The following ZFR variants were observed in gnomAD, a reference collection of about 807,000 sequenced individuals.
ZFR encodes zinc finger RNA-binding protein.
ZFR carries 19 observed loss-of-function variants against 130.7 expected under a neutral mutation model. The observed-to-expected ratio is 0.15, with a 90% CI of 0.10 to 0.21. The LOEUF (loss-of-function observed/expected upper bound fraction) is 0.21. Among genes scored for constraint, ZFR ranks in the 10% least tolerant of loss-of-function variants. The pLI, the probability that ZFR is intolerant of heterozygous loss-of-function variation, is 1.00. For synonymous variants in ZFR, 466 were observed against 456.9 expected, an observed-to-expected ratio of 1.02 and a Z score of -0.25; for missense variants, 872 against 1,321.5, an observed-to-expected ratio of 0.66 and a Z score of 5.27.
chr5:32,368,307 C>G (rs1752591282), intron 17 of ZFR, among the ~76,000 whole-genome samples: 1 of 152,330 alleles, frequency 6.6e-6, no homozygotes, highest in Admixed American at 6.5e-5. Context: ...GTGATCTCAG[C>G]TCACCGCAAC....
chr5:32,420,103 G>A lies in ZFR; in HGVS notation c.138C>T (p.Ser46=). 6.4e-7 allele frequency: 1 copy of A among 1,566,494 alleles called. No individual in the cohort carries two copies. Among genetic ancestry groups the A allele is most frequent in the Admixed American group, 1.8e-5 (1 of 54,200 alleles). The change falls in exon 3 of 20, where the codon AGC becomes AGT. Residue 46 remains serine, a splice_region_variant and synonymous_variant. Coordinates refer to ENST00000265069, the MANE Select transcript of ZFR (RefSeq NM_016107.5). ...AAAAAAAAQY[S]QQPASGVAYS... ...AGGCTACACCCGAAGCTGGCTGCTG[G>A]CTACATTGTGGAGTACAAGAATAAA... is the stretch of plus-strand genomic sequence containing the variant.
At chr5:32,356,329 G>A (rs1170207145) in intron 19 of ZFR, among the ~76,000 whole-genome samples, 1 of 152,184 alleles carries the variant, frequency 6.6e-6, no homozygotes, top group African/African-American at 2.4e-5. Flanking sequence ...TGTAACTTAA[G>A]AACTGTAATT....
chr5:32,363,428 C>A (rs1302428345), intron 19 of ZFR, among the ~76,000 whole-genome samples: 1 of 152,192 alleles, frequency 6.6e-6, no homozygotes, highest in African/African-American at 2.4e-5. Flanking sequence ...CTCATTTAAT[C>A]TTCTCAACAA....
rs559525191 is a variant in ZFR at position 32,407,148 on chromosome 5, A to G, written c.785-127T>C. 5.3e-4 allele frequency: 447 copies of G among 847,912 alleles called. 1 individual carries two copies. Among genetic ancestry groups the G allele is most frequent in the Middle Eastern group, 5.1e-3 (13 of 2,552 alleles). 52.5% of individuals were successfully genotyped at this position (847,912 alleles called of 1,614,324 possible). ...TTTACATGTGCATATTTACAAACGT[A>G]TATCTCACAGAACCAGAAAAAAGCT... On this transcript the variant is annotated intron_variant, in intron 5 of 19. Coordinates refer to ENST00000265069, the MANE Select transcript of ZFR (RefSeq NM_016107.5).
In ZFR at chr5:32,355,371, C is replaced by A. The variant is rs1752281583; in HGVS notation, c.*389G>T. The A allele has an allele frequency of 6.5e-6, 1 of 154,230 alleles. No individual in the cohort carries two copies. The allele number at this position is 154,230 out of a possible 1,614,324, so 9.6% of individuals were successfully genotyped here. On this transcript the variant is annotated 3_prime_UTR_variant, in exon 20 of 20. Transcript: ENST00000265069. ...ACTAGTGTCAAAAAGCAAACAAAAC[C>A]TCTAAATTAAAATATCAAAATACAC...
intron 2 of ZFR, among the ~76,000 whole-genome samples, chr5:32,437,171 C>T (rs1754357371): frequency 6.6e-6 from 1 of 152,140 alleles, no homozygotes; most frequent in African/African-American, 2.4e-5. Context: ...ACGAAGTCTA[C>T]CTCAAACTCC....
At chr5:32,385,365 A>C in intron 15 of ZFR, 143 bp downstream of exon 15, 4 of 882,372 alleles carry the variant, frequency 4.5e-6, no homozygotes, top group South Asian at 1.9e-5. Flanking sequence ...TATCTTAGGC[A>C]AAACCGGTTG....
At chr5:32,388,846 C>CT (rs1753098123) in intron 12 of ZFR, among the ~76,000 whole-genome samples, 172 bp from the exon 13 acceptor site, 1 of 152,146 alleles carries the variant, frequency 6.6e-6, no homozygotes, top group Non-Finnish European at 1.5e-5. Context: ...ACCATCAAGA[C>CT]TATATGTATG....
chr5:32,431,644 C>T (rs1754219062), intron 2 of ZFR, among the ~76,000 whole-genome samples: 1 of 152,062 alleles, frequency 6.6e-6, no homozygotes, highest in Non-Finnish European at 1.5e-5. Flanking sequence ...GAAACACAAT[C>T]TGACCTTCCC....
At chr5:32,431,777 A>C (rs915156374) in intron 2 of ZFR, among the ~76,000 whole-genome samples, 4 of 152,122 alleles carry the variant, frequency 2.6e-5, no homozygotes, top group African/African-American at 9.6e-5. Context: ...TGAAAAAAAA[A>C]AAAAAAAGAC....
chr5:32,401,360 T>C (rs1039805272), intron 8 of ZFR, among the ~76,000 whole-genome samples: 2 of 152,172 alleles, frequency 1.3e-5, no homozygotes, highest in African/African-American at 4.8e-5. Flanking sequence ...GGACTGAATA[T>C]TGCGGAAATT....
chr5:32,365,688 C>T (rs910530652), intron 17 of ZFR, among the ~76,000 whole-genome samples: 9 of 150,338 alleles, frequency 6.0e-5, no homozygotes, highest in Non-Finnish European at 1.3e-4. Flanking sequence ...CTCAGGATCA[C>T]TTGAGCCCAA....
At chr5:32,402,898 T>TG (rs1753492658) in intron 8 of ZFR, among the ~76,000 whole-genome samples, 1 of 151,554 alleles carries the variant, frequency 6.6e-6, no homozygotes, top group Non-Finnish European at 1.5e-5. Flanking sequence ...AAGACACAGA[T>TG]ATATCTGTAT....
intron 17 of ZFR, among the ~76,000 whole-genome samples, chr5:32,366,912 C>T (rs928300305): frequency 1.4e-5 from 2 of 147,192 alleles, no homozygotes; most frequent in African/African-American, 2.5e-5. Flanking sequence ...GACAGGCCCT[C>T]GCTATGTTGC....
At chr5:32,443,686 G>A (rs1754523736) in intron 2 of ZFR, among the ~76,000 whole-genome samples, 1 of 152,270 alleles carries the variant, frequency 6.6e-6, no homozygotes, top group African/African-American at 2.4e-5. Context: ...GCCCCACGGC[G>A]GAGGAAAAGG....
intron 14 of ZFR, among the ~76,000 whole-genome samples, chr5:32,385,954 T>C (rs903496577): frequency 6.6e-6 from 1 of 152,134 alleles, no homozygotes; most frequent in African/African-American, 2.4e-5. Context: ...TTATAACATA[T>C]ATTTGCATAA....
chr5:32,397,148 T>G, intron 10 of ZFR, 71 bp downstream of exon 10: 3 of 1,508,406 alleles, frequency 2.0e-6, no homozygotes, highest in South Asian at 2.7e-5. Context: ...TTCTTTTACA[T>G]AAAGAATGCT....
Position 32,400,033 on chromosome 5 carries a change from G to A in ZFR, c.1687C>T (p.Pro563Ser). Residue 563 changes from proline (P) to serine (S), a missense_variant, in exon 9 of 20, where the codon CCA (proline) becomes TCA (serine). Pro to Ser is a moderately conservative substitution (Grantham distance 74). This residue lies in a region of ZFR where 54 missense variants were observed against 119.9 expected (regional missense o/e 0.45). Coordinates refer to ENST00000265069, the MANE Select transcript of ZFR (RefSeq NM_016107.5). The part of the protein sequence containing the change: ...SLAALQSDVQ[P>S]VGHDYVEEVR... ...TCTTCCACATAATCATGGCCCACTG[G>A]CTGCACATCACTCTGTAAAGCAGCA... is the stretch of plus-strand genomic sequence containing the variant. The A allele has an allele frequency of 6.2e-7, 1 of 1,607,008 alleles. No individual in the cohort carries two copies. The highest frequency in any genetic ancestry group is 1.1e-5 in the South Asian group (1 of 89,552).
chr5:32,435,231 C>A (rs374569002), intron 2 of ZFR, among the ~76,000 whole-genome samples: 66 of 152,212 alleles, frequency 4.3e-4, no homozygotes, highest in African/African-American at 1.3e-3. Context: ...TTTATACTCA[C>A]GAAAAATAAA....
Sources: allele counts gnomAD v4.1 joint callset (sites outside exome capture counted in the v4.1 genomes callset), GRCh38; gene constraint gnomAD v4.1.1; regional missense constraint gnomAD v4.1.1; transcripts MANE v1.5; gene names NCBI Gene and HGNC (gene_info 2026-07-23, HGNC 2026-07-21).